Variants in SLC35C1 observed in about 807,000 individuals in gnomAD.
SLC35C1 encodes the protein GDP-fucose transporter 1.
Under a neutral mutation model 23.2 loss-of-function variants are expected in SLC35C1, and 8 were observed. The observed-to-expected ratio is 0.35, with a 90% confidence interval of 0.20 to 0.62. The LOEUF (loss-of-function observed/expected upper bound fraction) is 0.62, where lower values mean the gene tolerates loss of function less well. SLC35C1 is among the 20% of genes least tolerant of loss of function. The probability of loss-of-function intolerance (pLI) is 0.75; values close to 1 mark genes in which losing one functional copy is unlikely to be tolerated. For missense variants in SLC35C1, 422 were observed against 478.6 expected, an observed-to-expected ratio of 0.88 and a Z score of 1.10; for synonymous variants, 226 against 225.1, an observed-to-expected ratio of 1.00 and a Z score of -0.04.
rs995688545 is a variant in SLC35C1, at chr11:45,806,167, G to A, written c.366G>A (p.Val122=). ...RVARSVLPLS[V]VFIGMITFNN... is the part of the protein sequence containing the mutation. The stretch of plus-strand genomic sequence containing the variant: ...CCCGCAGCGTCCTGCCCCTGTCGGT[G>A]GTCTTCATCGGCATGATCACCTTCA... Residue 122 remains valine (V), a synonymous_variant, in exon 1 of 2, where the codon GTG becomes GTA. Transcript: ENST00000314134. The A allele has an allele frequency of 1.2e-6, 2 of 1,605,792 alleles. No homozygotes were observed. The highest frequency in any genetic ancestry group is 1.7e-6 in the Non-Finnish European group (2 of 1,179,982).
rs766947838 is a variant in SLC35C1 at position 45,806,232 on chromosome 11, A to G, written c.431A>G (p.Asn144Ser). 5 of 1,607,504 alleles carry G rather than the reference A, an allele frequency of 3.1e-6. No individual in the cohort carries two copies. Among genetic ancestry groups the G allele is most frequent in the East Asian group, 4.5e-5 (2 of 44,862 alleles). The stretch of plus-strand genomic sequence containing the variant: ...AAGTACGTCGGTGTGGCCTTCTACA[A>G]TGTGGGCCGCTCACTCACCACCGTC... ...CLKYVGVAFYNVGRSLTTVFN... is the reference protein window; with the variant it reads ...CLKYVGVAFYSVGRSLTTVFN... The change falls in exon 1 of 2, where the codon AAT becomes AGT. Residue 144 changes from asparagine (N) to serine (S), a missense_variant. Coordinates refer to ENST00000314134, the MANE Select transcript of SLC35C1 (RefSeq NM_018389.5).
Position 45,812,739 on chromosome 11 carries a change from G to A in SLC35C1, c.*1404G>A, listed in dbSNP as rs142012266. On this transcript the variant is annotated 3_prime_UTR_variant, in exon 2 of 2. Coordinates refer to ENST00000314134, the MANE Select transcript of SLC35C1 (RefSeq NM_018389.5). ...ATTCCAATGTGAATTTGCAGGGGGAGTGGGGGACACACACAAATTTCGGGG... is the reference window on the plus strand; with the variant it reads ...ATTCCAATGTGAATTTGCAGGGGGAATGGGGGACACACACAAATTTCGGGG... 2,199 of 446,022 alleles carry A rather than the reference G, an allele frequency of 4.9e-3. 39 individuals carry two copies. In the East Asian group the frequency reaches 0.052, roughly 10 times the overall value. 27.6% of individuals were successfully genotyped at this position (446,022 alleles called of 1,614,324 possible).
chr11:45,807,030 T>C (rs751463807), intron 1 of SLC35C1: 1 of 391,606 alleles, frequency 2.6e-6, no homozygotes, highest in Non-Finnish European at 3.5e-6. Flanking sequence ...ATTTCACATA[T>C]AGCATCTCCT....
In SLC35C1 at chr11:45,811,662, T is replaced by G. The variant is rs1046914139; in HGVS notation, c.*327T>G. The stretch of plus-strand genomic sequence containing the variant: ...CTTCTGCCTCCAGGGCCTGTCTGCC[T>G]CCACATCACTCTGAGGACAGGGACA... On this transcript the variant is annotated 3_prime_UTR_variant, in exon 2 of 2. Transcript: ENST00000314134. 2 of 261,096 alleles carry G rather than the reference T, an allele frequency of 7.7e-6. No individual in the cohort carries two copies. The highest frequency in any genetic ancestry group is 4.4e-5 in the African/African-American group (2 of 45,444). The allele number at this position is 261,096 out of a possible 1,614,324, so 16.2% of individuals were successfully genotyped here.
rs193920915 is a variant in SLC35C1, at chr11:45,810,796, G to A, written c.556G>A (p.Asp186Asn). The A allele has an allele frequency of 6.2e-7, 1 of 1,612,676 alleles. No individual in the cohort carries two copies. Among genetic ancestry groups the A allele is most frequent in the East Asian group, 2.2e-5 (1 of 44,868 alleles). ...IIIGGFWLGV[D>N]QEGAEGTLSW... Reference sequence around the variant, plus strand: ...TGCAGGGGGCTTCTGGCTTGGTGTGGACCAGGAGGGGGCAGAAGGCACCCT... The same window carrying A: ...TGCAGGGGGCTTCTGGCTTGGTGTGAACCAGGAGGGGGCAGAAGGCACCCT... Residue 186 changes from aspartate to asparagine, a missense_variant, in exon 2 of 2, where the codon GAC becomes AAC. Physicochemically the swap from Asp to Asn is conservative, Grantham distance 23 (BLOSUM62 1). Coordinates refer to ENST00000314134, the MANE Select transcript of SLC35C1 (RefSeq NM_018389.5).
At chr11:45,806,783 A>G (rs2085882770) in intron 1 of SLC35C1, 2 of 497,148 alleles carry the variant, frequency 4.0e-6, no homozygotes, top group African/African-American at 2.1e-5. Context: ...CTGGCTTCAC[A>G]GTTCACATGC....
In SLC35C1 at chr11:45,806,234, G is replaced by A. The variant is rs751986448; in HGVS notation, c.433G>A (p.Val145Met). 1.6e-5 allele frequency: 26 copies of A among 1,607,860 alleles called. No individual in the cohort carries two copies. The highest frequency in any genetic ancestry group is 3.3e-4 in the Middle Eastern group (2 of 6,084). Residue 145 changes from valine (V) to methionine (M), a missense_variant, in exon 1 of 2, where the codon GTG (valine) becomes ATG (methionine). Physicochemically the swap from Val to Met is conservative, Grantham distance 21 (BLOSUM62 1). Transcript: ENST00000314134. ...GTACGTCGGTGTGGCCTTCTACAATGTGGGCCGCTCACTCACCACCGTCTT... is the reference window on the plus strand; with the variant it reads ...GTACGTCGGTGTGGCCTTCTACAATATGGGCCGCTCACTCACCACCGTCTT... Reference protein sequence around the residue: ...LKYVGVAFYNVGRSLTTVFNV... With the variant: ...LKYVGVAFYNMGRSLTTVFNV...
chr11:45,805,557 C>T lies in SLC35C1; in HGVS notation c.-245C>T. On this transcript the variant is annotated 5_prime_UTR_variant, in exon 1 of 2. Coordinates refer to ENST00000314134, the MANE Select transcript of SLC35C1 (RefSeq NM_018389.5). ...GGCCTCACCGCCTTATCCTATTCCT[C>T]TCCCTTGCCCTGTGTCTTGTCTCAG... The T allele has an allele frequency of 1.4e-6, 2 of 1,428,516 alleles. No individual in the cohort carries two copies. The highest frequency in any genetic ancestry group is 1.5e-5 in the South Asian group (1 of 68,836). 88.5% of individuals were successfully genotyped at this position (1,428,516 alleles called of 1,614,324 possible).
In SLC35C1 at chr11:45,810,993, G is replaced by GCCC; in HGVS notation, c.754_755insCCC (p.Glu251_Leu252insPro). On this transcript the variant is annotated inframe_insertion, in exon 2 of 2. Transcript: ENST00000314134. ...TGCCCCTGCTCCTGCTGCTCGGGGA[G>GCCC]CTTCAGGCCCTGCGTGACTTTGCCC... 1 of 1,612,882 alleles carries GCCC rather than the reference G, an allele frequency of 6.2e-7. No homozygotes were observed. The highest frequency in any genetic ancestry group is 8.5e-7 in the Non-Finnish European group (1 of 1,180,028).
upstream of SLC35C1, chr11:45,805,146 G>C (rs2085853974): frequency 1.0e-6 from 1 of 986,144 alleles, no homozygotes; most frequent in South Asian, 4.7e-5. Flanking sequence ...CCGGGGAGTC[G>C]GCCTCGGATG....
chr11:45,805,573 C>T lies in SLC35C1; in HGVS notation c.-229C>T, dbSNP rs544559319. ...CCTATTCCTCTCCCTTGCCCTGTGT[C>T]TTGTCTCAGAGCCCCCTCGGGGTGG... is the stretch of plus-strand genomic sequence containing the variant. On this transcript the variant is annotated 5_prime_UTR_variant, in exon 1 of 2. Coordinates refer to ENST00000314134, the MANE Select transcript of SLC35C1 (RefSeq NM_018389.5). 69 of 1,449,338 alleles carry T rather than the reference C, an allele frequency of 4.8e-5. No homozygotes were observed. In the East Asian group the frequency reaches 6.1e-4, roughly 13 times the overall value. The allele number at this position is 1,449,338 out of a possible 1,614,324, so 89.8% of individuals were successfully genotyped here.
In SLC35C1 at chr11:45,811,371, C is replaced by A; in HGVS notation, c.*36C>A. ...CACCCTGGATGGCCCGGCCCCGGGG[C>A]CCGTACACAGGCGGGGCCAGCACAG... On this transcript the variant is annotated 3_prime_UTR_variant, in exon 2 of 2. Transcript: ENST00000314134. 1 of 1,452,244 alleles carries A rather than the reference C, an allele frequency of 6.9e-7. No individual in the cohort carries two copies. The highest frequency in any genetic ancestry group is 9.0e-7 in the Non-Finnish European group (1 of 1,108,014). The allele number at this position is 1,452,244 out of a possible 1,614,324, so 90.0% of individuals were successfully genotyped here.
In SLC35C1 at chr11:45,805,967, G is replaced by T. The variant is rs947268177; in HGVS notation, c.166G>T (p.Val56Leu). 5.6e-6 allele frequency: 9 copies of T among 1,614,002 alleles called. No homozygotes were observed. The highest frequency in any genetic ancestry group is 7.6e-6 in the Non-Finnish European group (9 of 1,180,022). ...SLYWVTSISMVFLNKYLLDSP... is the reference protein window; with the variant it reads ...SLYWVTSISMLFLNKYLLDSP... ...CTACTGGGTCACCTCCATCTCCATGGTGTTCCTTAATAAGTACCTGCTGGA... is the reference window on the plus strand; with the variant it reads ...CTACTGGGTCACCTCCATCTCCATGTTGTTCCTTAATAAGTACCTGCTGGA... Residue 56 changes from valine (V) to leucine (L), a missense_variant, in exon 1 of 2, where the codon GTG (valine) becomes TTG (leucine). Val to Leu is a conservative substitution (Grantham distance 32). Coordinates refer to ENST00000314134, the MANE Select transcript of SLC35C1 (RefSeq NM_018389.5).
Position 45,806,213 on chromosome 11 carries a change from G to T in SLC35C1, c.412G>T (p.Val138Phe). ...CTTCAATAACCTCTGCCTCAAGTAC[G>T]TCGGTGTGGCCTTCTACAATGTGGG... ...ITFNNLCLKY[V>F]GVAFYNVGRS... The change falls in exon 1 of 2, where the codon GTC becomes TTC. Residue 138 changes from valine (V) to phenylalanine (F), a missense_variant. Coordinates refer to ENST00000314134, the MANE Select transcript of SLC35C1 (RefSeq NM_018389.5). 2 of 1,606,152 alleles carry T rather than the reference G, an allele frequency of 1.2e-6. No homozygotes were observed. Among genetic ancestry groups the T allele is most frequent in the Non-Finnish European group, 8.5e-7 (1 of 1,179,988 alleles).
In SLC35C1 at chr11:45,810,873, C is replaced by G. The variant is rs372353822; in HGVS notation, c.633C>G (p.Leu211=). 125 of 1,612,294 alleles carry G rather than the reference C, an allele frequency of 7.8e-5. No individual in the cohort carries two copies. Among genetic ancestry groups the G allele is most frequent in the Non-Finnish European group, 9.9e-5 (117 of 1,180,036 alleles). ...FGVLASLCVS[L]NAIYTTKVLP... is the part of the protein sequence containing the mutation. Reference sequence around the variant, plus strand: ...TGCTGGCTAGCCTCTGTGTCTCGCTCAACGCCATCTACACCACGAAGGTGC... The same window carrying G: ...TGCTGGCTAGCCTCTGTGTCTCGCTGAACGCCATCTACACCACGAAGGTGC... The change falls in exon 2 of 2, where the codon CTC becomes CTG. Residue 211 remains leucine, a synonymous_variant. Coordinates refer to ENST00000314134, the MANE Select transcript of SLC35C1 (RefSeq NM_018389.5).
At chr11:45,804,351 C>T, upstream of SLC35C1, 1 of 404,552 alleles carries the variant, frequency 2.5e-6, no homozygotes, top group Non-Finnish European at 3.3e-6. Flanking sequence ...ATCCCGCGGG[C>T]GCGGCCCAGG....
intron 1 of SLC35C1, among the ~76,000 whole-genome samples, chr11:45,807,220 T>A (rs2085887032): frequency 6.6e-6 from 1 of 152,196 alleles, no homozygotes; most frequent in Non-Finnish European, 1.5e-5. Context: ...TTCTATCCCC[T>A]CTGCTCGTCT....
At position 45,806,054 on chromosome 11, in the gene SLC35C1, A is replaced by C; in HGVS notation, c.253A>C (p.Thr85Pro). 6.2e-7 allele frequency: 1 copy of C among 1,613,258 alleles called. No individual in the cohort carries two copies. The highest frequency in any genetic ancestry group is 8.5e-7 in the Non-Finnish European group (1 of 1,179,950). ...FVTFYQCLVT[T>P]LLCKGLSALA... ...CACCTTCTACCAGTGCCTGGTGACC[A>C]CGCTGCTGTGCAAAGGCCTCAGCGC... The change falls in exon 1 of 2, where the codon ACG (threonine) becomes CCG (proline). Residue 85 changes from threonine (T) to proline (P), a missense_variant. Transcript: ENST00000314134.
chr11:45,809,904 A>G (rs2085919570), intron 1 of SLC35C1: 1 of 985,460 alleles, frequency 1.0e-6, no homozygotes, highest in Non-Finnish European at 1.2e-6. Flanking sequence ...GCTTTGCAGG[A>G]AAGCGAGGCA....
Sources: allele counts gnomAD v4.1 joint callset (sites outside exome capture counted in the v4.1 genomes callset), GRCh38; gene constraint gnomAD v4.1.1; transcripts MANE v1.5; gene names NCBI Gene and HGNC (gene_info 2026-07-23, HGNC 2026-07-21).